SUMF1: variants seen among roughly 807,000 people sequenced by gnomAD.
SUMF1 encodes sulfatase modifying factor 1.
In SUMF1, 48 loss-of-function variants were observed where a neutral mutation model predicts 47.6. That is an observed-to-expected ratio of 1.01 (90% CI 0.80 to 1.28). SUMF1 has a LOEUF of 1.28. SUMF1 is among the 50% of genes most tolerant of loss of function. The pLI is 0.00. For missense variants in SUMF1, 571 were observed against 485.4 expected (o/e 1.18, Z -1.66); for synonymous variants, 230 against 192.1 (o/e 1.20, Z -1.63).
rs535796057 is a variant in SUMF1 at position 4,073,224 on chromosome 3, C to G, written c.1015-4479G>C. Among the ~76,000 whole-genome samples, 4 of 152,248 alleles carry G rather than the reference C, an allele frequency of 2.6e-5. No homozygotes were observed. In the East Asian group the frequency reaches 7.7e-4, roughly 29 times the overall value. On this transcript the variant is annotated intron_variant and NMD_transcript_variant, in intron 8 of 12. Coordinates refer to the SUMF1 transcript ENST00000448413. ...GAATTTTCAACCCAGAATTTCATAT[C>G]CAGCCAAACTAAGATTCATAAGCAA... is the stretch of plus-strand genomic sequence containing the variant.
rs1054133826 is a variant in SUMF1, at chr3:4,194,852, A to G, written c.1015-126107T>C. Among the ~76,000 whole-genome samples, 10 of 152,264 alleles carry G rather than the reference A, an allele frequency of 6.6e-5. 1 individual carries two copies. Among genetic ancestry groups the G allele is most frequent in the Middle Eastern group, 6.8e-3 (2 of 294 alleles). The stretch of plus-strand genomic sequence containing the variant: ...TTTCGAACAATGTTATTTACTGATG[A>G]CCCCTTGAAGATAAGCTAGCGGTAA... On this transcript the variant is annotated intron_variant and NMD_transcript_variant, in intron 8 of 12. Coordinates refer to the SUMF1 transcript ENST00000448413.
intron 1 of SUMF1, among the ~76,000 whole-genome samples, chr3:4,454,543 C>T (rs1014524613): frequency 1.4e-4 from 21 of 152,208 alleles, no homozygotes; most frequent in South Asian, 2.1e-4. Context: ...AAAAGCTAAA[C>T]GAAGAGTTAT....
intron 8 of SUMF1, among the ~76,000 whole-genome samples, chr3:4,371,273 G>A (rs1700158462): frequency 6.6e-6 from 1 of 152,162 alleles, no homozygotes; most frequent in Admixed American, 6.5e-5. Flanking sequence ...GGGAAAGTGG[G>A]AAGGACCTGT....
chr3:4,106,944 G>C (rs748336059), intron 8 of SUMF1, among the ~76,000 whole-genome samples: 26 of 152,102 alleles, frequency 1.7e-4, no homozygotes, highest in Non-Finnish European at 3.1e-4. Context: ...TTAAGACAAA[G>C]GCAAAACATA....
chr3:4,199,414 A>G (rs1013938885), intron 8 of SUMF1, among the ~76,000 whole-genome samples: 5 of 152,142 alleles, frequency 3.3e-5, no homozygotes, highest in Non-Finnish European at 1.5e-5. Flanking sequence ...ACTTTGAGGT[A>G]TTATAAGTAA....
intron 8 of SUMF1, among the ~76,000 whole-genome samples, chr3:4,309,558 G>A (rs1698322569): frequency 1.3e-5 from 2 of 152,114 alleles, no homozygotes; most frequent in Admixed American, 6.5e-5. Flanking sequence ...AGTCCAAGTG[G>A]TAACTATAGG....
chr3:4,241,870 T>G (rs1696544466), intron 8 of SUMF1, among the ~76,000 whole-genome samples: 1 of 152,166 alleles, frequency 6.6e-6, no homozygotes, highest in Admixed American at 6.5e-5. Flanking sequence ...CTGATTTACA[T>G]AGGGCCTAGA....
At chr3:4,422,708 A>G (rs1701941055) in intron 3 of SUMF1, among the ~76,000 whole-genome samples, 1 of 152,158 alleles carries the variant, frequency 6.6e-6, no homozygotes, top group Non-Finnish European at 1.5e-5. Context: ...GCTTTAGTAG[A>G]GGCAAACACA....
chr3:4,368,571 AGACTT>A (rs1424204690), intron 8 of SUMF1, among the ~76,000 whole-genome samples: 1 of 152,150 alleles, frequency 6.6e-6, no homozygotes, highest in African/African-American at 2.4e-5. Context: ...ACAATAGCAA[AGACTT>A]GGAACCAACC....
intron 8 of SUMF1, among the ~76,000 whole-genome samples, chr3:4,152,695 G>A (rs1434263194): frequency 6.6e-6 from 1 of 151,384 alleles, no homozygotes; most frequent in East Asian, 1.9e-4. Context: ...AAATCAAACT[G>A]TCTACACTTG....
intron 8 of SUMF1, among the ~76,000 whole-genome samples, chr3:4,234,830 G>C (rs1052872796): frequency 2.7e-4 from 41 of 152,250 alleles, no homozygotes; most frequent in African/African-American, 9.6e-4. Flanking sequence ...AAGCAAAAGA[G>C]AGCATGGCAT....
intron 3 of SUMF1, among the ~76,000 whole-genome samples, chr3:4,434,638 C>A (rs1702339558): frequency 6.6e-6 from 1 of 152,052 alleles, no homozygotes; most frequent in South Asian, 2.1e-4. Flanking sequence ...TGTAACAGCT[C>A]TATGGGGTAG....
chr3:4,141,204 A>T (rs1306390212), intron 8 of SUMF1, among the ~76,000 whole-genome samples: 1 of 152,178 alleles, frequency 6.6e-6, no homozygotes, highest in Non-Finnish European at 1.5e-5. Context: ...AAATAAATGC[A>T]GCAGTGAGAG....
rs1235742765 is a variant in SUMF1, at chr3:4,172,503, T to C, written c.1015-103758A>G. ...CTTATACAACTCATTTAAATCTTTA[T>C]AGCAACTCTATAAGAAAGGTAAGAT... On this transcript the variant is annotated intron_variant and NMD_transcript_variant, in intron 8 of 12. Transcript: ENST00000448413. Among the ~76,000 whole-genome samples, 3 of 152,298 alleles carry C rather than the reference T, an allele frequency of 2.0e-5. No homozygotes were observed. The East Asian group carries it at 5.8e-4, about 29-fold the overall frequency.
intron 8 of SUMF1, among the ~76,000 whole-genome samples, chr3:4,367,224 C>T (rs1235828126): frequency 6.6e-6 from 1 of 152,180 alleles, no homozygotes; most frequent in Non-Finnish European, 1.5e-5. Context: ...CAGCTGCGTG[C>T]TGGGAGAACC....
intron 7 of SUMF1, among the ~76,000 whole-genome samples, chr3:4,385,478 G>T (rs957695674): frequency 2.6e-5 from 4 of 152,006 alleles, no homozygotes; most frequent in South Asian, 2.1e-4. Context: ...GGATTGTTCG[G>T]TTTTTTACTG....
At position 4,257,951 on chromosome 3, in the gene SUMF1, A is replaced by G. The variant is rs919488046; in HGVS notation, c.1014+118379T>C. ...GGAACAGAACAGAGCCCTCAGAAAT[A>G]ACGCCGCATGTCTACAACTATCTGA... On this transcript the variant is annotated intron_variant and NMD_transcript_variant, in intron 8 of 12. Coordinates refer to the SUMF1 transcript ENST00000448413. Among the ~76,000 whole-genome samples, 50 of 152,048 alleles carry G rather than the reference A, an allele frequency of 3.3e-4. 1 individual carries two copies. Among genetic ancestry groups the G allele is most frequent in the Non-Finnish European group, 5.9e-5 (4 of 68,002 alleles).
At chr3:4,263,574 G>C (rs1247879068) in intron 8 of SUMF1, among the ~76,000 whole-genome samples, 1 of 152,054 alleles carries the variant, frequency 6.6e-6, no homozygotes, top group South Asian at 2.1e-4. Context: ...TTCTATTCCA[G>C]CAACCCACCA....
At chr3:4,372,948 G>A (rs184078565) in intron 8 of SUMF1, among the ~76,000 whole-genome samples, 8 of 152,264 alleles carry the variant, frequency 5.3e-5, no homozygotes, top group South Asian at 4.1e-4. Context: ...CAAGATCCTG[G>A]AAGTGCCATT....
Sources: allele counts gnomAD v4.1 joint callset (sites outside exome capture counted in the v4.1 genomes callset), GRCh38; gene constraint gnomAD v4.1.1; transcripts MANE v1.5; gene names NCBI Gene and HGNC (gene_info 2026-07-23, HGNC 2026-07-21).